Variants in COL5A3 observed in about 807,000 individuals in gnomAD.
COL5A3 encodes the protein collagen alpha-3(V) chain.
Under a neutral mutation model 250.0 loss-of-function variants are expected in COL5A3, and 172 were observed. The ratio of observed to expected loss-of-function variants is 0.69; its 90% CI spans 0.61 to 0.78. COL5A3 has a LOEUF of 0.78. Ranked by LOEUF, COL5A3 falls within the 30% of genes least tolerant of loss-of-function variation. COL5A3 has a pLI of 0.00. For synonymous variants in COL5A3, 937 were observed against 900.4 expected (o/e 1.04, Z -0.73); for missense variants, 2,340 against 2,334.4 (o/e 1.00, Z -0.05).
Position 9,989,182 on chromosome 19 carries a change from G to C in COL5A3, c.2092-5C>G, listed in dbSNP as rs2087151362. 7 of 1,614,060 alleles carry C rather than the reference G, an allele frequency of 4.3e-6. No homozygotes were observed. Among genetic ancestry groups the C allele is most frequent in the African/African-American group, 1.3e-5 (1 of 74,928 alleles). On this transcript the variant is annotated splice_region_variant and splice_polypyrimidine_tract_variant and intron_variant, in intron 26 of 66. Coordinates refer to ENST00000264828, the MANE Select transcript of COL5A3 (RefSeq NM_015719.4). ...GCCTGCCGACCCTGGTGGACCCTGG[G>C]AGGAAAATAAGGTCAGTGCCATTCT... is the stretch of plus-strand genomic sequence containing the variant.
rs187797381 is a variant in COL5A3 at position 9,965,529 on chromosome 19, T to C, written c.4782+785A>G. ...AGTGCCATGGTGCAATCTTGGCTCA[T>C]TGCAACCTCCGTCTCCCAAGTTCAA... On this transcript the variant is annotated intron_variant, in intron 64 of 66. Transcript: ENST00000264828. Among the ~76,000 whole-genome samples the C allele has an allele frequency of 2.0e-3, 304 of 150,474 alleles. 1 individual carries two copies. The highest frequency in any genetic ancestry group is 6.6e-3 in the African/African-American group (270 of 40,838).
chr19:10,005,831 G>A lies in COL5A3; in HGVS notation c.402C>T (p.Arg134=), dbSNP rs759215128. ...TGAGGTTGACCTGCTGGGGGAGGGG[G>A]CGGAAGGGGTCACCTAGGAGACCCA... ...PALGLLGDPF[R]PLPQQVNLTD... Residue 134 remains arginine (R), a synonymous_variant, in exon 3 of 67, where the codon CGC becomes CGT. Transcript: ENST00000264828. 9.3e-6 allele frequency: 15 copies of A among 1,613,058 alleles called. No individual in the cohort carries two copies. In the South Asian group the frequency reaches 1.3e-4, roughly 14 times the overall value.
At chr19:10,002,481 C>A (rs979236562) in intron 6 of COL5A3, among the ~76,000 whole-genome samples, 1 of 149,856 alleles carries the variant, frequency 6.7e-6, no homozygotes, top group African/African-American at 2.5e-5. Flanking sequence ...ACCCAGTGAC[C>A]CACCAAGAAT....
In COL5A3 at chr19:9,979,873, C is replaced by T; in HGVS notation, c.2678G>A (p.Gly893Glu). 1.9e-6 allele frequency: 3 copies of T among 1,574,548 alleles called. No homozygotes were observed. Among genetic ancestry groups the T allele is most frequent in the Non-Finnish European group, 1.7e-6 (2 of 1,168,016 alleles). ...TCTCTGTCCAGGGTGCCCTGGTCGC[C>T]CATCTTTACCTTGGTGACCCTGGGG... ...KGPPGHQGKD[G>E]RPGHPGQRGE... Residue 893 changes from glycine (G) to glutamate (E), a missense_variant, in exon 37 of 67, where the codon GGG becomes GAG. By Grantham distance (98) the Gly-to-Glu change is moderately conservative. Transcript: ENST00000264828.
rs2086968987 is a variant in COL5A3, at chr19:9,979,229, C to T, written c.2777G>A (p.Gly926Glu). ...CCTTTCACCTAGAGGTCCCACTTCT[C>T]CTGTCTTTCCCTGGTGAGGAAGAAG... The part of the protein sequence containing the change: ...AGVLGPQGKT[G>E]EVGPLGERGP... Residue 926 changes from glycine to glutamate, a missense_variant, in exon 39 of 67, where the codon GGA becomes GAA. By Grantham distance (98) the Gly-to-Glu change is moderately conservative. Around this residue, in one of 3 missense-constraint regions of COL5A3, gnomAD observed 1,179 missense variants for 1,162.6 expected, o/e 1.01. Transcript: ENST00000264828. The T allele has an allele frequency of 6.2e-7, 1 of 1,607,790 alleles. No homozygotes were observed. The highest frequency in any genetic ancestry group is 8.5e-7 in the Non-Finnish European group (1 of 1,177,408).
intron 44 of COL5A3, 62 bp downstream of exon 44, chr19:9,977,167 C>T: frequency 1.3e-6 from 2 of 1,513,714 alleles, no homozygotes; most frequent in Non-Finnish European, 1.8e-6. Flanking sequence ...ATCTCTACAT[C>T]CCTGGCCTCC....
chr19:9,974,328 C>A lies in COL5A3; in HGVS notation c.3423G>T (p.Val1141=). The A allele has an allele frequency of 1.2e-6, 2 of 1,612,460 alleles. No individual in the cohort carries two copies. The highest frequency in any genetic ancestry group is 1.7e-6 in the Non-Finnish European group (2 of 1,179,192). ...QKGDDGVRGF[V]GVIGPPGLQG... ...GCAGTCCAGGAGGGCCAATCACCCC[C>A]ACAAAGCCTCTGACTCCGTCATCTC... is the stretch of plus-strand genomic sequence containing the variant. The change falls in exon 46 of 67, where the codon GTG becomes GTT. Residue 1141 remains valine (V), a synonymous_variant. Coordinates refer to ENST00000264828, the MANE Select transcript of COL5A3 (RefSeq NM_015719.4).
At chr19:9,970,591 C>A (rs765355886) in intron 54 of COL5A3, 31 bp downstream of exon 54, 8 of 1,394,008 alleles carry the variant, frequency 5.7e-6, no homozygotes, top group Non-Finnish European at 6.6e-6. Flanking sequence ...TGTAGATAAG[C>A]TGAGGACCCA....
At chr19:9,973,273 T>C (rs1473119056) in intron 50 of COL5A3, among the ~76,000 whole-genome samples, 1 of 152,144 alleles carries the variant, frequency 6.6e-6, no homozygotes, top group African/African-American at 2.4e-5. Context: ...CTTGAGTGAA[T>C]TAGAAGAGGG....
At chr19:10,005,083 G>A (rs1250173650) in intron 4 of COL5A3, among the ~76,000 whole-genome samples, 2 of 152,148 alleles carry the variant, frequency 1.3e-5, no homozygotes, top group Admixed American at 6.5e-5. Context: ...TTGGCCAGGC[G>A]CGGTGGCTCA....
intron 21 of COL5A3, 141 bp from the exon 22 acceptor site, chr19:9,992,189 G>A (rs747445899): frequency 1.4e-6 from 1 of 689,984 alleles, no homozygotes; most frequent in Non-Finnish European, 2.5e-6. Flanking sequence ...TTGGGAGGCT[G>A]AGGCAGGTGG....
rs2087396743 is a variant in COL5A3 at position 10,003,714 on chromosome 19, C to A, written c.700G>T (p.Ala234Ser). 6.2e-7 allele frequency: 1 copy of A among 1,613,998 alleles called. No homozygotes were observed. The highest frequency in any genetic ancestry group is 8.5e-7 in the Non-Finnish European group (1 of 1,180,002). Reference sequence around the variant, plus strand: ...GGGGTTTCTGGTTCACCCTGGGGAGCCTGGGAGAAGGGTTCCAGTCAGGTC... The same window carrying A: ...GGGGTTTCTGGTTCACCCTGGGGAGACTGGGAGAAGGGTTCCAGTCAGGTC... ...CDNLAPAATVAPQGEPETPRP... is the reference protein window; with the variant it reads ...CDNLAPAATVSPQGEPETPRP... The change falls in exon 6 of 67, where the codon GCT becomes TCT. Residue 234 changes from alanine to serine, a missense_variant and splice_region_variant. Physicochemically the swap from Ala to Ser is moderately conservative, Grantham distance 99 (BLOSUM62 1). This residue lies in a region of COL5A3 where 1,152 missense variants were observed against 1,146.3 expected (regional missense o/e 1.00). Transcript: ENST00000264828.
chr19:9,967,005 ACAGGGAGAGAGAG>A (rs2086758351), intron 62 of COL5A3, among the ~76,000 whole-genome samples: 1 of 152,012 alleles, frequency 6.6e-6, no homozygotes, highest in African/African-American at 2.4e-5. Context: ...AATAGCAGAG[ACAGGGAGAGAGAG>A]CAGGGAGAGA....
At chr19:10,003,800 G>GTCA in intron 5 of COL5A3, 86 bp from the exon 6 acceptor site, 5 of 1,546,216 alleles carry the variant, frequency 3.2e-6, no homozygotes, top group Non-Finnish European at 4.4e-6. Context: ...GCTGGCTCAT[G>GTCA]GCCCGTGGGT....
In COL5A3 at chr19:9,969,647, C is replaced by T. The variant is rs1350479576; in HGVS notation, c.4026G>A (p.Thr1342=). 2 of 1,589,020 alleles carry T rather than the reference C, an allele frequency of 1.3e-6. No homozygotes were observed. Among genetic ancestry groups the T allele is most frequent in the Non-Finnish European group, 1.7e-6 (2 of 1,173,836 alleles). ...EPGPDGPPGR[T]GPMGARGPPG... ...GGGGCCCTCTAGCCCCCATTGGACCCGTCCTCCCTGGGGGCCCATCAGGAC... is the reference window on the plus strand; with the variant it reads ...GGGGCCCTCTAGCCCCCATTGGACCTGTCCTCCCTGGGGGCCCATCAGGAC... Residue 1342 remains threonine, a synonymous_variant, in exon 56 of 67, where the codon ACG becomes ACA. Coordinates refer to ENST00000264828, the MANE Select transcript of COL5A3 (RefSeq NM_015719.4).
chr19:9,994,265 G>A (rs530230511), intron 16 of COL5A3, among the ~76,000 whole-genome samples: 18 of 149,506 alleles, frequency 1.2e-4, no homozygotes, highest in East Asian at 6.0e-4. Context: ...ATGCAGCTTC[G>A]AATTCCTGGC....
chr19:9,991,789 T>C lies in COL5A3; in HGVS notation c.1946A>G (p.Gln649Arg). Reference protein sequence around the residue: ...PPGQQGNHGSQGLPGPQGLIG... With the variant: ...PPGQQGNHGSRGLPGPQGLIG... ...ATTATTGGGAAAGACAGTTCAAACC[T>C]GGGACCCATGGTTTCCCTGCTGTCC... The change falls in exon 23 of 67, where the codon CAG becomes CGG. Residue 649 changes from glutamine (Q) to arginine (R), a missense_variant and splice_region_variant. Transcript: ENST00000264828. 6.2e-7 allele frequency: 1 copy of C among 1,605,868 alleles called. No homozygotes were observed. Among genetic ancestry groups the C allele is most frequent in the Non-Finnish European group, 8.5e-7 (1 of 1,176,238 alleles).
intron 64 of COL5A3, among the ~76,000 whole-genome samples, chr19:9,963,287 A>G (rs1377377003): frequency 6.6e-6 from 1 of 151,972 alleles, no homozygotes; most frequent in African/African-American, 2.4e-5. Flanking sequence ...CAGTGACATA[A>G]TCATAGTTCA....
At position 9,996,694 on chromosome 19, in the gene COL5A3, G is replaced by C. The variant is rs1209910499; in HGVS notation, c.1264-5C>G. On this transcript the variant is annotated splice_region_variant and splice_polypyrimidine_tract_variant and intron_variant, in intron 11 of 66. Transcript: ENST00000264828. ...TCCTGGGAGGCCAGCAGGGCCCTGAGAGAGGGATGGGGGAAGAGAGGTGGA... is the reference window on the plus strand; with the variant it reads ...TCCTGGGAGGCCAGCAGGGCCCTGACAGAGGGATGGGGGAAGAGAGGTGGA... The C allele has an allele frequency of 1.3e-6, 2 of 1,599,844 alleles. No homozygotes were observed. The highest frequency in any genetic ancestry group is 2.3e-5 in the South Asian group (2 of 88,818).
Sources: allele counts gnomAD v4.1 joint callset (sites outside exome capture counted in the v4.1 genomes callset), GRCh38; gene constraint gnomAD v4.1.1; regional missense constraint gnomAD v4.1.1; transcripts MANE v1.5; gene names NCBI Gene and HGNC (gene_info 2026-07-23, HGNC 2026-07-21).